SLC36A1: variants seen among roughly 807,000 people sequenced by gnomAD.
The protein encoded by SLC36A1 is solute carrier family 36 member 1, also known as proton-coupled amino acid transporter 1.
Under a neutral mutation model 47.5 loss-of-function variants are expected in SLC36A1, and 30 were observed. The observed-to-expected ratio is 0.63, with a 90% CI of 0.47 to 0.86. The LOEUF (loss-of-function observed/expected upper bound fraction) is 0.86, where lower values mean the gene tolerates loss of function less well. Among genes scored for constraint, SLC36A1 ranks in the 40% least tolerant of loss-of-function variants. The pLI, the probability that SLC36A1 is intolerant of heterozygous loss-of-function variation, is 0.00. For missense variants in SLC36A1, 517 were observed against 606.0 expected (o/e 0.85, Z 1.54); for synonymous variants, 255 against 249.7 (o/e 1.02, Z -0.20).
chr5:151,362,374 G>T, the SLC36A1 span, among the ~76,000 whole-genome samples: 2 of 145,236 alleles, frequency 1.4e-5, no homozygotes, highest in Admixed American at 6.9e-5. Context: ...TTCTTCCTTT[G>T]CTTGATTGAT....
At chr5:151,414,025 A>G in the SLC36A1 span, among the ~76,000 whole-genome samples, 4 of 152,168 alleles carry the variant, frequency 2.6e-5, no homozygotes, top group African/African-American at 9.7e-5. Context: ...ATACACATAT[A>G]ACAAATACTT....
upstream of SLC36A1, among the ~76,000 whole-genome samples, chr5:151,443,725 C>T (rs897424052): frequency 6.6e-6 from 1 of 152,014 alleles, no homozygotes; most frequent in Non-Finnish European, 1.5e-5. Flanking sequence ...GTCTGATATC[C>T]AAAAAAATCA....
chr5:151,419,963 A>G, the SLC36A1 span: 3 of 152,354 alleles, frequency 2.0e-5, no homozygotes, highest in South Asian at 2.1e-4. Context: ...CAGTATCTCC[A>G]TAGTCCATCA....
the SLC36A1 span, among the ~76,000 whole-genome samples, chr5:151,385,613 G>A: frequency 6.6e-6 from 1 of 152,126 alleles, no homozygotes; most frequent in East Asian, 1.9e-4. Flanking sequence ...CCATCTGAGA[G>A]GGCAGCTCTT....
the SLC36A1 span, among the ~76,000 whole-genome samples, chr5:151,367,715 T>A: frequency 6.6e-6 from 1 of 152,172 alleles, no homozygotes; most frequent in Non-Finnish European, 1.5e-5. Flanking sequence ...CATAAAAAAT[T>A]ATAAAAGTAT....
chr5:151,401,523 C>G, the SLC36A1 span, among the ~76,000 whole-genome samples: 5 of 152,028 alleles, frequency 3.3e-5, no homozygotes, highest in African/African-American at 1.2e-4. Flanking sequence ...TTTTTGGTTC[C>G]AGATGAATTT....
intron 4 of SLC36A1, 52 bp downstream of exon 4, chr5:151,464,654 T>A: frequency 6.7e-7 from 1 of 1,503,638 alleles, no homozygotes; most frequent in Non-Finnish European, 9.2e-7. Context: ...TTTTGGGTTC[T>A]GTTATCAACC....
chr5:151,397,788 A>AAT, the SLC36A1 span, among the ~76,000 whole-genome samples: 1 of 148,750 alleles, frequency 6.7e-6, no homozygotes, highest in Admixed American at 6.6e-5. Context: ...AAAAAAAAAA[A>AAT]GTCAAATTAT....
the SLC36A1 span, chr5:151,505,967 C>T: frequency 6.4e-7 from 1 of 1,572,582 alleles, no homozygotes; most frequent in Non-Finnish European, 8.6e-7. Flanking sequence ...TAGGCTCTGG[C>T]ATCACGACTG....
chr5:151,472,787 T>C (rs1024992994), intron 7 of SLC36A1, among the ~76,000 whole-genome samples: 2 of 152,238 alleles, frequency 1.3e-5, no homozygotes, highest in Non-Finnish European at 1.5e-5. Flanking sequence ...AGAGTGAATA[T>C]ATAAATTAAA....
chr5:151,484,308 AT>A (rs1759225707), intron 10 of SLC36A1, among the ~76,000 whole-genome samples: 1 of 152,150 alleles, frequency 6.6e-6, no homozygotes, highest in Admixed American at 6.5e-5. Context: ...GGACATCAGC[AT>A]TTGTGGAGAT....
chr5:151,545,689 AAAAACTTCAAGGCCTCCGGCTCC>A, the SLC36A1 span: 10 of 1,614,098 alleles, frequency 6.2e-6, no homozygotes, highest in African/African-American at 9.3e-5. Context: ...ATCAATTTTG[AAAAACTTCAAGGCCTCCGGCTCC>A]AAAATTTTAT....
chr5:151,472,223 C>T (rs1301002481), intron 7 of SLC36A1, among the ~76,000 whole-genome samples: 6 of 152,252 alleles, frequency 3.9e-5, no homozygotes. Flanking sequence ...CTGAAGAACT[C>T]GAGGTCTGAT....
the SLC36A1 span, chr5:151,543,696 G>A: frequency 3.7e-6 from 6 of 1,614,092 alleles, no homozygotes; most frequent in Admixed American, 3.3e-5. Flanking sequence ...ACTCTGGGCT[G>A]TACTTGTTGG....
At chr5:151,521,094 G>C in the SLC36A1 span, among the ~76,000 whole-genome samples, 3 of 152,292 alleles carry the variant, frequency 2.0e-5, no homozygotes, top group East Asian at 5.8e-4. Flanking sequence ...GCTGAGAATT[G>C]GGTATTATTC....
At chr5:151,380,647 G>A in the SLC36A1 span, 8 of 552,858 alleles carry the variant, frequency 1.4e-5, 1 homozygote, top group East Asian at 1.5e-4. Flanking sequence ...GGCTCACATC[G>A]TCAACCCAGC....
At chr5:151,505,990 G>C in the SLC36A1 span, 1 of 1,572,740 alleles carries the variant, frequency 6.4e-7, no homozygotes, top group Admixed American at 1.9e-5. Flanking sequence ...GTTGAGTGGC[G>C]GTGAGCCGAG....
intron 1 of SLC36A1, among the ~76,000 whole-genome samples, chr5:151,454,048 A>G (rs1353380388): frequency 6.6e-6 from 1 of 151,384 alleles, no homozygotes; most frequent in Non-Finnish European, 1.5e-5. Context: ...TTACATAAGG[A>G]AAAAAAAGGA....
In SLC36A1 at chr5:151,467,700, A is replaced by G; in HGVS notation, c.505-7A>G. On this transcript the variant is annotated splice_polypyrimidine_tract_variant and splice_region_variant and intron_variant, in intron 6 of 10. Transcript: ENST00000243389. ...TGTTTCCGTTTTCTTCCTTCCCCTC[A>G]TTCTAGGTGATAGAAGCGGCCAATG... 1 of 1,612,102 alleles carries G rather than the reference A, an allele frequency of 6.2e-7. No individual in the cohort carries two copies. The highest frequency in any genetic ancestry group is 8.5e-7 in the Non-Finnish European group (1 of 1,178,426).
Sources: allele counts gnomAD v4.1 joint callset (sites outside exome capture counted in the v4.1 genomes callset), GRCh38; gene constraint gnomAD v4.1.1; transcripts MANE v1.5; gene names NCBI Gene and HGNC (gene_info 2026-07-23, HGNC 2026-07-21).